LRRC4C: variants seen among roughly 807,000 people sequenced by gnomAD.
LRRC4C encodes leucine rich repeat containing 4C.
A neutral mutation model predicts 33.6 loss-of-function variants in LRRC4C; 5 were observed. The observed-to-expected ratio is 0.15, with a 90% CI of 0.08 to 0.31. The LOEUF (loss-of-function observed/expected upper bound fraction) is 0.31, where lower values mean the gene tolerates loss of function less well. Among genes scored for constraint, LRRC4C ranks in the 10% least tolerant of loss-of-function variants. The pLI, the probability that LRRC4C is intolerant of heterozygous loss-of-function variation, is 1.00. For synonymous variants in LRRC4C, 329 were observed against 302.0 expected (o/e 1.09, Z -0.93); for missense variants, 560 against 796.7 (o/e 0.70, Z 3.58).
intron 3 of LRRC4C, among the ~76,000 whole-genome samples, chr11:40,557,584 TCAAA>T (rs1957379396): frequency 6.6e-6 from 1 of 152,142 alleles, no homozygotes; most frequent in Non-Finnish European, 1.5e-5. Flanking sequence ...ACCATCAATC[TCAAA>T]CACTTTCTAA....
Position 40,618,510 on chromosome 11 carries a change from G to T in LRRC4C, c.-270+29632C>A, listed in dbSNP as rs189322583. Among the ~76,000 whole-genome samples the T allele has an allele frequency of 2.0e-3, 299 of 151,706 alleles. 1 individual carries two copies. Among genetic ancestry groups the T allele is most frequent in the African/African-American group, 6.9e-3 (284 of 41,452 alleles). ...CACCTGGTTTATGGTAATTTTTACG[G>T]TACCCCAAAAAAACTAATATACTAT... On this transcript the variant is annotated intron_variant, in intron 3 of 6. Coordinates refer to ENST00000528697, the MANE Select transcript of LRRC4C (RefSeq NM_001258419.2).
At chr11:41,333,172 A>C (rs1389378323) in intron 1 of LRRC4C, among the ~76,000 whole-genome samples, 1 of 152,216 alleles carries the variant, frequency 6.6e-6, no homozygotes, top group Non-Finnish European at 1.5e-5. Flanking sequence ...GTATTAAAAG[A>C]AAAATATTTT....
At chr11:40,851,314 A>G (rs765127460) in intron 2 of LRRC4C, among the ~76,000 whole-genome samples, 10 of 152,114 alleles carry the variant, frequency 6.6e-5, no homozygotes, top group Non-Finnish European at 1.2e-4. Flanking sequence ...AGACCATGGG[A>G]AAGGCGTAGC....
At chr11:40,490,057 G>A (rs540473564) in intron 3 of LRRC4C, among the ~76,000 whole-genome samples, 37 of 152,036 alleles carry the variant, frequency 2.4e-4, no homozygotes, top group Non-Finnish European at 4.1e-4. Flanking sequence ...CTCATGATCA[G>A]TGCCTGCCAT....
intron 2 of LRRC4C, among the ~76,000 whole-genome samples, chr11:40,727,086 G>A (rs1292115644): frequency 6.6e-6 from 1 of 152,130 alleles, no homozygotes; most frequent in Non-Finnish European, 1.5e-5. Flanking sequence ...AAACACTGCT[G>A]AAAGAAATCG....
At position 41,452,572 on chromosome 11, in the gene LRRC4C, C is replaced by G. The variant is rs140943948; in HGVS notation, c.-496+6859G>C. ...TATGACCTTTTCTCTTGTTTACAGCCAAGCAATGAGTTTAATGGCTCACAT... is the reference window on the plus strand; with the variant it reads ...TATGACCTTTTCTCTTGTTTACAGCGAAGCAATGAGTTTAATGGCTCACAT... On this transcript the variant is annotated intron_variant, in intron 1 of 6. Transcript: ENST00000528697. 8.1e-3 allele frequency among the ~76,000 whole-genome samples: 1,231 copies of G among 152,076 alleles called. 20 individuals carry two copies. Among genetic ancestry groups the G allele is most frequent in the African/African-American group, 0.028 (1,151 of 41,522 alleles).
intron 2 of LRRC4C, among the ~76,000 whole-genome samples, chr11:40,908,676 G>T (rs1388140765): frequency 6.6e-6 from 1 of 152,170 alleles, no homozygotes; most frequent in African/African-American, 2.4e-5. Flanking sequence ...TATCCAACTT[G>T]TTGGTCAGTG....
intron 3 of LRRC4C, among the ~76,000 whole-genome samples, chr11:40,595,897 G>C (rs1048296578): frequency 6.6e-6 from 1 of 152,168 alleles, no homozygotes; most frequent in African/African-American, 2.4e-5. Context: ...CTGGGGGAAA[G>C]AAGTCTATAG....
intron 1 of LRRC4C, among the ~76,000 whole-genome samples, chr11:41,010,257 T>A (rs1369362867): frequency 6.6e-6 from 1 of 152,174 alleles, no homozygotes; most frequent in Non-Finnish European, 1.5e-5. Context: ...AATTCCAATA[T>A]CCAGTTGATA....
intron 2 of LRRC4C, among the ~76,000 whole-genome samples, chr11:40,783,455 C>T (rs1950298233): frequency 6.6e-6 from 1 of 151,804 alleles, no homozygotes; most frequent in Non-Finnish European, 1.5e-5. Context: ...ACTACCACTG[C>T]CAGCTATTTG....
intron 1 of LRRC4C, among the ~76,000 whole-genome samples, chr11:41,063,838 T>C (rs1268659401): frequency 6.6e-6 from 1 of 152,204 alleles, no homozygotes; most frequent in African/African-American, 2.4e-5. Context: ...AAGATTGTTC[T>C]GGCTGCCATG....
intron 6 of LRRC4C, among the ~76,000 whole-genome samples, chr11:40,119,381 A>T (rs1164382876): frequency 6.6e-6 from 1 of 152,112 alleles, no homozygotes; most frequent in East Asian, 1.9e-4. Context: ...CCAGCCTTCT[A>T]AGGCCAACTA....
At position 40,584,080 on chromosome 11, in the gene LRRC4C, T is replaced by C. The variant is rs534144537; in HGVS notation, c.-270+64062A>G. ...AATGATCACTTATTAACACCTGCTT[T>C]GTGCATAGCTTCCTGTGGAGCAGGT... is the stretch of plus-strand genomic sequence containing the variant. On this transcript the variant is annotated intron_variant, in intron 3 of 6. Transcript: ENST00000528697. Among the ~76,000 whole-genome samples the C allele has an allele frequency of 2.7e-5, 4 of 150,782 alleles. No homozygotes were observed. In the South Asian group the frequency reaches 6.3e-4, roughly 24 times the overall value.
intron 4 of LRRC4C, among the ~76,000 whole-genome samples, chr11:40,281,782 C>T (rs1943491122): frequency 6.6e-6 from 1 of 152,172 alleles, no homozygotes; most frequent in Non-Finnish European, 1.5e-5. Context: ...GGCAGGACCA[C>T]ATCGATGATA....
intron 2 of LRRC4C, among the ~76,000 whole-genome samples, chr11:40,887,843 T>G (rs975226699): frequency 6.6e-6 from 1 of 152,058 alleles, no homozygotes; most frequent in African/African-American, 2.4e-5. Flanking sequence ...GCATTCTATA[T>G]CCTTGTGGCT....
rs771871840 is a variant in LRRC4C at position 40,114,430 on chromosome 11, C to G, written c.1863G>C (p.Val621=). Reference sequence around the variant, plus strand: ...TCATTCGGATCAATAACGGTTCATGCACTGAACTGTGTATTGAATTTATTG... The same window carrying G: ...TCATTCGGATCAATAACGGTTCATGGACTGAACTGTGTATTGAATTTATTG... ...VNTINSIHSS[V]HEPLLIRMNS... Residue 621 remains valine (V), a synonymous_variant, in exon 7 of 7, where the codon GTG becomes GTC. Transcript: ENST00000528697. 6.2e-7 allele frequency: 1 copy of G among 1,613,858 alleles called. No individual in the cohort carries two copies. The highest frequency in any genetic ancestry group is 1.7e-5 in the Admixed American group (1 of 59,988).
intron 1 of LRRC4C, among the ~76,000 whole-genome samples, chr11:41,220,115 G>A (rs1421083285): frequency 6.6e-6 from 1 of 152,184 alleles, no homozygotes; most frequent in Non-Finnish European, 1.5e-5. Flanking sequence ...TAAATTGCCT[G>A]AGGAAGGTGA....
rs562381927 is a variant in LRRC4C, at chr11:40,437,039, T to C, written c.-269-117318A>G. The stretch of plus-strand genomic sequence containing the variant: ...GAGCAGCTGCTAGGGATTAAAAGCA[T>C]TGTTATTCTTTTTTATTATATTTTT... On this transcript the variant is annotated intron_variant, in intron 3 of 6. Coordinates refer to ENST00000528697, the MANE Select transcript of LRRC4C (RefSeq NM_001258419.2). Among the ~76,000 whole-genome samples, 13 of 152,246 alleles carry C rather than the reference T, an allele frequency of 8.5e-5. No individual in the cohort carries two copies. The South Asian group carries it at 2.7e-3, about 32-fold the overall frequency.
chr11:41,061,185 T>C (rs1273591129), intron 1 of LRRC4C, among the ~76,000 whole-genome samples: 5 of 152,156 alleles, frequency 3.3e-5, no homozygotes, highest in Admixed American at 6.6e-5. Context: ...TCTATTCTCA[T>C]GTAAGTTGAG....
Sources: gnomAD v4.1 joint callset for allele counts (sites outside exome capture counted in the v4.1 genomes callset) on GRCh38, gnomAD v4.1.1 for gene constraint, MANE v1.5 for transcripts, NCBI Gene and HGNC (gene_info 2026-07-23, HGNC 2026-07-21) for gene names.